The following C10orf143 variants were observed in gnomAD, a reference collection of about 807,000 sequenced individuals.
C10orf143 encodes the protein chromosome 10 open reading frame 143, also known as uncharacterized protein C10orf143.
At chr10:130,099,665 T>C (rs999962108) in intron 1 of C10orf143, among the ~76,000 whole-genome samples, 7 of 151,688 alleles carry the variant, frequency 4.6e-5, no homozygotes, top group African/African-American at 1.7e-4. Context: ...GCCTCCTGCA[T>C]AGCTGGGGAC....
intron 3 of C10orf143, among the ~76,000 whole-genome samples, chr10:130,038,314 G>A (rs1267385468): frequency 1.3e-5 from 2 of 152,116 alleles, no homozygotes; most frequent in Admixed American, 1.3e-4. Context: ...GTTGTATGTT[G>A]TTTACCGGGA....
intron 3 of C10orf143, among the ~76,000 whole-genome samples, chr10:130,045,273 G>T (rs993054008): frequency 6.6e-6 from 1 of 152,234 alleles, no homozygotes; most frequent in Admixed American, 6.5e-5. Flanking sequence ...TGCGCCCTCT[G>T]CCTGCAGGTC....
chr10:130,048,779 T>G (rs929821705), intron 3 of C10orf143, among the ~76,000 whole-genome samples: 2 of 152,118 alleles, frequency 1.3e-5, no homozygotes, highest in Non-Finnish European at 2.9e-5. Flanking sequence ...CATGGCTCAC[T>G]GTCATCTTGA....
At chr10:130,081,966 A>G (rs941379945) in intron 1 of C10orf143, among the ~76,000 whole-genome samples, 13 of 151,236 alleles carry the variant, frequency 8.6e-5, no homozygotes, top group Non-Finnish European at 1.9e-4. Flanking sequence ...CAAATATGCA[A>G]GAAGAGCCAG....
intron 1 of C10orf143, chr10:130,107,135 T>G (rs2134822150): frequency 6.2e-7 from 1 of 1,602,786 alleles, no homozygotes; most frequent in African/African-American, 1.3e-5. Context: ...ATCTTTGCAG[T>G]CAGAAAACAC....
At chr10:130,102,444 T>C (rs1220897813) in intron 1 of C10orf143, among the ~76,000 whole-genome samples, 1 of 152,106 alleles carries the variant, frequency 6.6e-6, no homozygotes, top group African/African-American at 2.4e-5. Flanking sequence ...AGCTAATTTT[T>C]TGTATTCTTA....
At chr10:130,106,490 GAA>G (rs777553437) in intron 1 of C10orf143, 5 of 1,601,938 alleles carry the variant, frequency 3.1e-6, no homozygotes, top group Non-Finnish European at 4.3e-6. Flanking sequence ...TCTCTGTCTA[GAA>G]AAAGAGTTAA....
intron 3 of C10orf143, among the ~76,000 whole-genome samples, chr10:130,078,274 C>G (rs1003228049): frequency 6.6e-6 from 1 of 152,060 alleles, no homozygotes; most frequent in Non-Finnish European, 1.5e-5. Flanking sequence ...TACTACATTC[C>G]AAGTGTTTGC....
At chr10:130,081,540 A>G (rs1330332822) in intron 1 of C10orf143, among the ~76,000 whole-genome samples, 1 of 152,150 alleles carries the variant, frequency 6.6e-6, no homozygotes, top group African/African-American at 2.4e-5. Context: ...TCAAGAACTC[A>G]CAGCACAGTT....
intron 3 of C10orf143, among the ~76,000 whole-genome samples, chr10:130,046,064 A>G (rs1345985419): frequency 6.8e-6 from 1 of 147,044 alleles, no homozygotes; most frequent in Non-Finnish European, 1.5e-5. Flanking sequence ...GGCAGACGGA[A>G]CGTGGAACAG....
intron 3 of C10orf143, among the ~76,000 whole-genome samples, chr10:130,075,339 TG>T (rs1212796263): frequency 2.0e-5 from 3 of 152,298 alleles, no homozygotes; most frequent in African/African-American, 7.2e-5. Context: ...TCGGGACTCA[TG>T]TGGCTTATCA....
intron 3 of C10orf143, among the ~76,000 whole-genome samples, chr10:130,050,998 G>A (rs1860730959): frequency 6.6e-6 from 1 of 152,192 alleles, no homozygotes; most frequent in Non-Finnish European, 1.5e-5. Context: ...GTGGACAGGT[G>A]CAGCGCTGGC....
At chr10:130,097,963 G>A (rs1330244968) in intron 1 of C10orf143, among the ~76,000 whole-genome samples, 1 of 151,914 alleles carries the variant, frequency 6.6e-6, no homozygotes, top group Non-Finnish European at 1.5e-5. Flanking sequence ...ATGAAAACTG[G>A]GTGGTGATAG....
rs375605748 is a variant in C10orf143 at position 130,053,064 on chromosome 10, T to TTGTG, written c.298-17095_298-17094insCACA. 1.2e-3 allele frequency among the ~76,000 whole-genome samples: 178 copies of TTGTG among 151,346 alleles called. 1 individual carries two copies. Among genetic ancestry groups the TTGTG allele is most frequent in the African/African-American group, 4.1e-3 (169 of 41,248 alleles). Reference sequence around the variant, plus strand: ...CTAGAAGTTTCTAAGTGTTTTTTGTTTGTTTGTTTGTTTGGAGATGGAGTC... The same window carrying TTGTG: ...CTAGAAGTTTCTAAGTGTTTTTTGTTTGTGTGTTTGTTTGTTTGGAGATGGAGTC... On this transcript the variant is annotated intron_variant and NMD_transcript_variant, in intron 3 of 5. Transcript: ENST00000643056.
chr10:130,053,921 T>C (rs1444708697), intron 3 of C10orf143, among the ~76,000 whole-genome samples: 1 of 151,712 alleles, frequency 6.6e-6, no homozygotes, highest in East Asian at 1.9e-4. Context: ...CGTGGGAGAG[T>C]GAGTGTCTGA....
chr10:130,081,708 A>G (rs1466807700), intron 1 of C10orf143, among the ~76,000 whole-genome samples: 1 of 41,110 alleles, frequency 2.4e-5, no homozygotes, highest in Non-Finnish European at 5.0e-5. Context: ...ATTATTTCTT[A>G]GGTCACCAAC....
chr10:130,066,432 G>A (rs1223495951), intron 3 of C10orf143: 1 of 150,490 alleles, frequency 6.6e-6, no homozygotes. Context: ...GGCCTCAGGC[G>A]ATCCACTCGC....
intron 1 of C10orf143, among the ~76,000 whole-genome samples, chr10:130,081,922 T>C (rs1861216082): frequency 6.7e-6 from 1 of 149,860 alleles, no homozygotes; most frequent in Admixed American, 6.7e-5. Context: ...TTTATAGAGT[T>C]ATACTAGTTG....
At chr10:130,089,124 G>C (rs1424299235) in intron 1 of C10orf143, among the ~76,000 whole-genome samples, 1 of 152,202 alleles carries the variant, frequency 6.6e-6, no homozygotes, top group African/African-American at 2.4e-5. Flanking sequence ...TTCTAGGGGA[G>C]TGAGTTATCT....
Sources: allele counts gnomAD v4.1 joint callset (sites outside exome capture counted in the v4.1 genomes callset), GRCh38; gene constraint gnomAD v4.1.1; transcripts MANE v1.5; gene names NCBI Gene and HGNC (gene_info 2026-07-23, HGNC 2026-07-21).